RAD51B: variants seen among roughly 807,000 people sequenced by gnomAD.
The protein encoded by RAD51B is RAD51 paralog B.
In RAD51B, 38 loss-of-function variants were observed where a neutral mutation model predicts 42.2. That is an observed-to-expected ratio of 0.90 (90% CI 0.70 to 1.18). The LOEUF is 1.18. RAD51B is among the 50% of genes most tolerant of loss of function. The probability of loss-of-function intolerance (pLI) is 0.00; values close to 1 mark genes in which losing one functional copy is unlikely to be tolerated. For missense variants in RAD51B, 373 were observed against 400.7 expected, an observed-to-expected ratio of 0.93 and a Z score of 0.59; for synonymous variants, 154 against 145.2, an observed-to-expected ratio of 1.06 and a Z score of -0.43.
intron 8 of RAD51B, among the ~76,000 whole-genome samples, chr14:68,323,194 T>G (rs3784109): frequency 0.49 from 74,197 of 151,938 alleles, 21,355 homozygotes; most frequent in South Asian, 0.65. Context: ...GAGCAGATTG[T>G]AGGGAGGAAG....
At chr14:67,839,024 C>T (rs1202017024) in intron 4 of RAD51B, among the ~76,000 whole-genome samples, 3 of 152,106 alleles carry the variant, frequency 2.0e-5, no homozygotes, top group East Asian at 1.9e-4. Flanking sequence ...ACTACTATTG[C>T]ATTTTTGGGA....
intron 7 of RAD51B, among the ~76,000 whole-genome samples, chr14:68,229,764 C>G (rs2080110406): frequency 6.6e-6 from 1 of 152,184 alleles, no homozygotes; most frequent in African/African-American, 2.4e-5. Context: ...AAACTATACA[C>G]AACAGGGCAA....
chr14:68,243,090 G>A (rs977633150), intron 7 of RAD51B, among the ~76,000 whole-genome samples: 6 of 152,110 alleles, frequency 3.9e-5, no homozygotes, highest in East Asian at 1.9e-4. Flanking sequence ...ATTTATTACT[G>A]TTATTAAGAT....
chr14:68,457,771 GTATTTT>G (rs1337153097), intron 9 of RAD51B, among the ~76,000 whole-genome samples: 4 of 124,044 alleles, frequency 3.2e-5, no homozygotes, highest in African/African-American at 8.5e-5. Flanking sequence ...GCTAATTTTT[GTATTTT>G]TTTTTTTTTT....
chr14:67,852,047 A>C (rs187862650), intron 4 of RAD51B, among the ~76,000 whole-genome samples: 1 of 148,658 alleles, frequency 6.7e-6, no homozygotes, highest in Admixed American at 6.7e-5. Context: ...CAGGCTCTTC[A>C]CTCCCTCCCC....
At chr14:68,234,593 G>C (rs916480541) in intron 7 of RAD51B, among the ~76,000 whole-genome samples, 1 of 152,106 alleles carries the variant, frequency 6.6e-6, no homozygotes, top group Admixed American at 6.6e-5. Flanking sequence ...TAGGCAATTG[G>C]AACACAATGG....
At chr14:67,927,311 A>G (rs2044550934) in intron 7 of RAD51B, among the ~76,000 whole-genome samples, 1 of 152,188 alleles carries the variant, frequency 6.6e-6, no homozygotes, top group African/African-American at 2.4e-5. Flanking sequence ...CTCCATCATC[A>G]TGAGTGCTTA....
At chr14:67,886,849 T>G (rs955798689) in intron 6 of RAD51B, 172 bp from the exon 7 acceptor site, 2 of 431,726 alleles carry the variant, frequency 4.6e-6, no homozygotes, top group Non-Finnish European at 8.0e-6. Flanking sequence ...TTGCTCTGTT[T>G]CCAGAAAAGT....
intron 8 of RAD51B, among the ~76,000 whole-genome samples, chr14:68,394,002 C>T (rs1052163533): frequency 2.0e-5 from 3 of 152,098 alleles, no homozygotes; most frequent in Non-Finnish European, 2.9e-5. Context: ...TGAACTTGTG[C>T]AGTCTCTGTG....
At chr14:67,846,847 C>G (rs916258782) in intron 4 of RAD51B, among the ~76,000 whole-genome samples, 2 of 152,132 alleles carry the variant, frequency 1.3e-5, no homozygotes, top group African/African-American at 4.8e-5. Context: ...ATGGACAACC[C>G]TGGTTGTGCT....
chr14:68,563,118 G>T (rs1722767316), intron 10 of RAD51B: 1 of 985,486 alleles, frequency 1.0e-6, no homozygotes, highest in Non-Finnish European at 1.2e-6. Flanking sequence ...GCCGGGTTCA[G>T]AGAGGGCTTC....
chr14:68,596,367 T>C (rs183525246), downstream of RAD51B, among the ~76,000 whole-genome samples: 10 of 152,270 alleles, frequency 6.6e-5, no homozygotes, highest in African/African-American at 2.4e-4. Flanking sequence ...TCGGTGGGTT[T>C]TCAACCATGG....
intron 11 of RAD51B, among the ~76,000 whole-genome samples, chr14:68,660,214 A>G (rs2140145212): frequency 6.6e-6 from 1 of 152,376 alleles, no homozygotes; most frequent in Admixed American, 6.5e-5. Flanking sequence ...TTCTGTATAA[A>G]GTATCCTGTT....
chr14:68,335,966 A>G (rs865857343), intron 8 of RAD51B, among the ~76,000 whole-genome samples: 14 of 152,250 alleles, frequency 9.2e-5, no homozygotes, highest in South Asian at 2.1e-4. Flanking sequence ...GTTTATCAGA[A>G]GCCATACTTG....
At chr14:68,348,521 G>T (rs751973012) in intron 8 of RAD51B, among the ~76,000 whole-genome samples, 1 of 152,246 alleles carries the variant, frequency 6.6e-6, no homozygotes, top group Non-Finnish European at 1.5e-5. Flanking sequence ...TAGTATAAAT[G>T]CAAAGGATAT....
intron 4 of RAD51B, among the ~76,000 whole-genome samples, chr14:67,856,142 T>C (rs1259070454): frequency 1.3e-5 from 2 of 152,198 alleles, no homozygotes; most frequent in Non-Finnish European, 2.9e-5. Context: ...TACTTGTCAT[T>C]TCCATTCCCT....
intron 8 of RAD51B, among the ~76,000 whole-genome samples, chr14:68,395,067 G>A (rs1026885860): frequency 1.3e-5 from 2 of 152,068 alleles, no homozygotes; most frequent in Non-Finnish European, 2.9e-5. Context: ...CTTTCTTCAG[G>A]CTTTGAGGGC....
At chr14:68,002,614 G>A (rs1211343336) in intron 7 of RAD51B, among the ~76,000 whole-genome samples, 2 of 152,080 alleles carry the variant, frequency 1.3e-5, no homozygotes, top group African/African-American at 4.8e-5. Flanking sequence ...GTGCCTATCT[G>A]CTGAATGGTA....
intron 7 of RAD51B, among the ~76,000 whole-genome samples, chr14:67,922,679 T>C (rs1278504322): frequency 1.3e-5 from 2 of 148,396 alleles, no homozygotes; most frequent in East Asian, 3.9e-4. Flanking sequence ...CTGTACCCAA[T>C]ATGTAGTCTT....
Sources: allele counts gnomAD v4.1 joint callset (sites outside exome capture counted in the v4.1 genomes callset), GRCh38; gene constraint gnomAD v4.1.1; transcripts MANE v1.5; gene names NCBI Gene and HGNC (gene_info 2026-07-23, HGNC 2026-07-21).